Variants in PAPSS2 observed in about 807,000 individuals in gnomAD.
The protein encoded by PAPSS2 is 3'-phosphoadenosine 5'-phosphosulfate synthase 2, also known as bifunctional 3'-phosphoadenosine 5'-phosphosulfate synthase 2.
Under a neutral mutation model 66.5 loss-of-function variants are expected in PAPSS2, and 61 were observed. The observed-to-expected ratio is 0.92, with a 90% confidence interval of 0.75 to 1.14. PAPSS2 has a LOEUF of 1.14. Among genes scored for constraint, PAPSS2 ranks in the 50% most tolerant of loss-of-function variants. The pLI is 0.00. For synonymous variants in PAPSS2, 289 were observed against 287.5 expected (o/e 1.01, Z -0.05); for missense variants, 708 against 789.6 (o/e 0.90, Z 1.24).
chr10:87,666,867 C>T (rs2131893929), intron 1 of PAPSS2, among the ~76,000 whole-genome samples: 1 of 152,078 alleles, frequency 6.6e-6, no homozygotes, highest in East Asian at 1.9e-4. Flanking sequence ...GCTCTGGGGG[C>T]TGCTGAAACC....
chr10:87,666,395 T>C (rs1852816931), intron 1 of PAPSS2, among the ~76,000 whole-genome samples: 1 of 152,246 alleles, frequency 6.6e-6, no homozygotes, highest in Non-Finnish European at 1.5e-5. Context: ...TTCCTGTGAA[T>C]CATTAACATC....
In PAPSS2 at chr10:87,746,128, T is replaced by C. The variant is rs41284068; in HGVS notation, c.*158T>C. ...ATAATTAAAAAAAAATATATATATA[T>C]ACACACACACATATACATACAAAGT... is the stretch of plus-strand genomic sequence containing the variant. On this transcript the variant is annotated 3_prime_UTR_variant, in exon 13 of 13. Transcript: ENST00000456849. 346 of 568,982 alleles carry C rather than the reference T, an allele frequency of 6.1e-4. 2 individuals carry two copies. The highest frequency in any genetic ancestry group is 6.1e-4 in the East Asian group (18 of 29,278). 35.2% of individuals were successfully genotyped at this position (568,982 alleles called of 1,614,324 possible).
At chr10:87,720,620 G>A (rs571275099) in intron 7 of PAPSS2, among the ~76,000 whole-genome samples, 24 of 152,190 alleles carry the variant, frequency 1.6e-4, no homozygotes, top group Non-Finnish European at 3.1e-4. Context: ...CAATCTGAAA[G>A]CAACATTGTT....
chr10:87,732,582 T>C (rs1269129719), intron 9 of PAPSS2, among the ~76,000 whole-genome samples: 5 of 152,154 alleles, frequency 3.3e-5, no homozygotes, highest in Non-Finnish European at 7.3e-5. Context: ...ATTGCACACT[T>C]CATAGACTAC....
chr10:87,746,003 T>C lies in PAPSS2; in HGVS notation c.*33T>C. 6.2e-7 allele frequency: 1 copy of C among 1,602,938 alleles called. No homozygotes were observed. ...GCTCCAGAGTTTCTTTCTGAAGTGC[T>C]CTTTGATTACCTTTTCTATTTTTAT... is the stretch of plus-strand genomic sequence containing the variant. On this transcript the variant is annotated 3_prime_UTR_variant, in exon 13 of 13. Transcript: ENST00000456849.
At chr10:87,660,251 C>T (rs1852732571) in intron 1 of PAPSS2, 3 of 601,280 alleles carry the variant, frequency 5.0e-6, no homozygotes, top group South Asian at 4.0e-5. Flanking sequence ...GGGGTCGCCG[C>T]GCCCGCGAGA....
chr10:87,671,303 G>A (rs7893652), intron 1 of PAPSS2, among the ~76,000 whole-genome samples: 108,951 of 152,200 alleles, frequency 0.72, 39,744 homozygotes, highest in East Asian at 0.92. Flanking sequence ...TGATGCAGGC[G>A]CTTTGAAAGG....
intron 2 of PAPSS2, among the ~76,000 whole-genome samples, chr10:87,712,661 TC>T (rs762369689): frequency 2.6e-5 from 4 of 151,980 alleles, no homozygotes; most frequent in African/African-American, 9.7e-5. Flanking sequence ...CTCACTATGT[TC>T]CCCAGGCTAG....
chr10:87,743,704 G>A, intron 11 of PAPSS2, 63 bp downstream of exon 11: 2 of 1,567,936 alleles, frequency 1.3e-6, no homozygotes, highest in Middle Eastern at 3.3e-4. Flanking sequence ...TTACATAGAA[G>A]AGTAAATGAG....
At position 87,731,844 on chromosome 10, in the gene PAPSS2, C is replaced by G. The variant is rs145379725; in HGVS notation, c.1086+4355C>G. Among the ~76,000 whole-genome samples the G allele has an allele frequency of 2.1e-3, 320 of 152,264 alleles. 1 individual carries two copies. The highest frequency in any genetic ancestry group is 7.4e-3 in the African/African-American group (307 of 41,548). ...TGAGGAGTTGCTTCCTATGAATGAG[C>G]AAATAAATCGTTTTTTTGAGATAGA... On this transcript the variant is annotated intron_variant, in intron 9 of 12. Coordinates refer to ENST00000456849, the MANE Select transcript of PAPSS2 (RefSeq NM_001015880.2).
rs559980892 is a variant in PAPSS2 at position 87,691,278 on chromosome 10, T to A, written c.28-17918T>A. 2.0e-5 allele frequency among the ~76,000 whole-genome samples: 3 copies of A among 152,214 alleles called. No individual in the cohort carries two copies. In the East Asian group the frequency reaches 5.8e-4, roughly 29 times the overall value. ...AAGTATCATGGGCATGACAAATTAGTTTAAGAAACATTCATTCAGTAAATT... is the reference window on the plus strand; with the variant it reads ...AAGTATCATGGGCATGACAAATTAGATTAAGAAACATTCATTCAGTAAATT... On this transcript the variant is annotated intron_variant, in intron 1 of 12. Transcript: ENST00000456849.
intron 9 of PAPSS2, among the ~76,000 whole-genome samples, chr10:87,740,595 A>C (rs1447115262): frequency 6.6e-6 from 1 of 152,234 alleles, no homozygotes; most frequent in East Asian, 1.9e-4. Context: ...CCCATTCCAC[A>C]GTCCAACTTA....
At position 87,727,333 on chromosome 10, in the gene PAPSS2, G is replaced by T. The variant is rs1259762643; in HGVS notation, c.930G>T (p.Glu310Asp). ...SIPIVLPVSA[E>D]DKTRLEGCSK... ...CCATTGTACTGCCCGTCTCTGCAGA[G>T]GATAAGACACGGCTGGAAGGGTGCA... The change falls in exon 9 of 13, where the codon GAG (glutamate) becomes GAT (aspartate). Residue 310 changes from glutamate (E) to aspartate (D), a missense_variant. By Grantham distance (45) the Glu-to-Asp change is conservative. Transcript: ENST00000456849. 4.3e-6 allele frequency: 7 copies of T among 1,614,028 alleles called. No homozygotes were observed.
chr10:87,659,993 C>G lies in PAPSS2; in HGVS notation c.12C>G (p.Ile4Met). Residue 4 changes from isoleucine (I) to methionine (M), a missense_variant, in exon 1 of 13, where the codon ATC becomes ATG. By Grantham distance (10) the Ile-to-Met change is conservative. Transcript: ENST00000456849. Reference sequence around the variant, plus strand: ...CGCAGCCAGCCAGCATGTCGGGGATCAAGAAGCAAAAGACGGTAGGCTTCC... The same window carrying G: ...CGCAGCCAGCCAGCATGTCGGGGATGAAGAAGCAAAAGACGGTAGGCTTCC... MSG[I>M]KKQKTENQQK... is the part of the protein sequence containing the mutation. 1 of 1,613,284 alleles carries G rather than the reference C, an allele frequency of 6.2e-7. No homozygotes were observed. The highest frequency in any genetic ancestry group is 8.5e-7 in the Non-Finnish European group (1 of 1,179,718).
At chr10:87,730,961 A>C (rs1263754437) in intron 9 of PAPSS2, among the ~76,000 whole-genome samples, 1 of 152,232 alleles carries the variant, frequency 6.6e-6, no homozygotes. Context: ...TACCCAGAAG[A>C]TCTAGCTAAG....
At chr10:87,689,747 G>A (rs1159644182) in intron 1 of PAPSS2, among the ~76,000 whole-genome samples, 1 of 146,018 alleles carries the variant, frequency 6.8e-6, no homozygotes, top group Non-Finnish European at 1.5e-5. Context: ...TATAAGAAAA[G>A]ACCAATAATG....
chr10:87,734,988 G>A lies in PAPSS2; in HGVS notation c.1087-6247G>A, dbSNP rs1175181653. Among the ~76,000 whole-genome samples, 4 of 151,824 alleles carry A rather than the reference G, an allele frequency of 2.6e-5. No individual in the cohort carries two copies. The East Asian group carries it at 5.8e-4, about 22-fold the overall frequency. ...TTATCATAGCTTTCTTAGTCTTTAC[G>A]CTAGTGGTTGAGCTTATCCTCTCCT... On this transcript the variant is annotated intron_variant, in intron 9 of 12. Transcript: ENST00000456849.
At chr10:87,712,521 G>A (rs943228014) in intron 2 of PAPSS2, among the ~76,000 whole-genome samples, 1 of 152,114 alleles carries the variant, frequency 6.6e-6, no homozygotes, top group Non-Finnish European at 1.5e-5. Flanking sequence ...GTGCCATCAC[G>A]GCTCACTGCA....
At chr10:87,676,862 G>C (rs1459366494) in intron 1 of PAPSS2, among the ~76,000 whole-genome samples, 2 of 89,302 alleles carry the variant, frequency 2.2e-5, no homozygotes, top group Non-Finnish European at 3.9e-5. Flanking sequence ...GACAGAATGA[G>C]ACCCTGTCTC....
Sources: allele counts gnomAD v4.1 joint callset (sites outside exome capture counted in the v4.1 genomes callset), GRCh38; gene constraint gnomAD v4.1.1; transcripts MANE v1.5; gene names NCBI Gene and HGNC (gene_info 2026-07-23, HGNC 2026-07-21).